Variants in CSMD3 observed in about 807,000 individuals in gnomAD.
CSMD3 encodes CUB and sushi domain-containing protein 3.
Under a neutral mutation model 435.2 loss-of-function variants are expected in CSMD3, and 177 were observed. The ratio of observed to expected loss-of-function variants is 0.41; its 90% CI spans 0.36 to 0.46. The LOEUF (loss-of-function observed/expected upper bound fraction) is 0.46, where lower values mean the gene tolerates loss of function less well. Among genes scored for constraint, CSMD3 ranks in the 20% least tolerant of loss-of-function variants. CSMD3 has a pLI of 0.34. For missense variants in CSMD3, 4,265 were observed against 4,504.6 expected (o/e 0.95, Z 1.52); for synonymous variants, 1,656 against 1,520.5 (o/e 1.09, Z -2.07).
At chr8:113,395,673 G>C (rs1164466224) in intron 1 of CSMD3, among the ~76,000 whole-genome samples, 1 of 150,864 alleles carries the variant, frequency 6.6e-6, no homozygotes, top group Non-Finnish European at 1.5e-5. Flanking sequence ...ATGAAGGAAA[G>C]TATTTTATTG....
chr8:112,559,392 G>A (rs1828412955), intron 24 of CSMD3, among the ~76,000 whole-genome samples: 1 of 151,808 alleles, frequency 6.6e-6, no homozygotes, highest in South Asian at 2.1e-4. Context: ...CCACCTTCCA[G>A]GAGAGGAGAG....
chr8:112,989,704 T>C (rs2085382422), intron 6 of CSMD3, among the ~76,000 whole-genome samples: 1 of 151,962 alleles, frequency 6.6e-6, no homozygotes, highest in Non-Finnish European at 1.5e-5. Flanking sequence ...GATGTCCTAA[T>C]GACTTGCTGT....
At chr8:113,133,295 A>T (rs1164577474) in intron 4 of CSMD3, among the ~76,000 whole-genome samples, 1 of 152,186 alleles carries the variant, frequency 6.6e-6, no homozygotes, top group Non-Finnish European at 1.5e-5. Context: ...CAAATAGCCA[A>T]CTAACAAATG....
intron 30 of CSMD3, among the ~76,000 whole-genome samples, chr8:112,500,260 T>A (rs962332958): frequency 3.9e-5 from 6 of 152,046 alleles, no homozygotes; most frequent in African/African-American, 1.4e-4. Flanking sequence ...GCAAATAAAG[T>A]AAGAAACACT....
intron 1 of CSMD3, among the ~76,000 whole-genome samples, chr8:113,323,376 T>A (rs1339224980): frequency 6.6e-6 from 1 of 152,172 alleles, no homozygotes; most frequent in Non-Finnish European, 1.5e-5. Flanking sequence ...ACTATTATTA[T>A]TTTACTAGTG....
intron 61 of CSMD3, among the ~76,000 whole-genome samples, chr8:112,256,872 C>A (rs972887145): frequency 3.3e-5 from 5 of 151,954 alleles, no homozygotes; most frequent in African/African-American, 9.7e-5. Context: ...AACTGAGAAA[C>A]TTTTGAGAGT....
intron 7 of CSMD3, 112 bp downstream of exon 7, chr8:112,975,725 C>T: frequency 1.3e-6 from 2 of 1,535,056 alleles, no homozygotes; most frequent in Non-Finnish European, 1.8e-6. Flanking sequence ...TGAACTTTTT[C>T]TTTTGCTTTC....
intron 6 of CSMD3, among the ~76,000 whole-genome samples, chr8:113,016,075 CT>C (rs762650744): frequency 1.2e-3 from 176 of 147,734 alleles, no homozygotes; most frequent in East Asian, 7.3e-3. Flanking sequence ...AACTAAATAA[CT>C]TTTTTTTTTA....
intron 10 of CSMD3, among the ~76,000 whole-genome samples, chr8:112,868,966 G>T (rs574507441): frequency 2.0e-5 from 3 of 152,124 alleles, no homozygotes; most frequent in Admixed American, 6.5e-5. Context: ...TGATTTTTTT[G>T]AATATGACAA....
chr8:112,837,518 T>C (rs2080061817), intron 11 of CSMD3, among the ~76,000 whole-genome samples: 1 of 151,820 alleles, frequency 6.6e-6, no homozygotes. Flanking sequence ...TTATAATTTC[T>C]ATTTTTTAAG....
At chr8:112,939,692 G>A (rs1034346450) in intron 9 of CSMD3, among the ~76,000 whole-genome samples, 1 of 151,864 alleles carries the variant, frequency 6.6e-6, no homozygotes, top group African/African-American at 2.4e-5. Context: ...AAGACCTGAG[G>A]GAAACATGGA....
chr8:113,340,537 A>G (rs1054991376), intron 1 of CSMD3, among the ~76,000 whole-genome samples: 1 of 152,136 alleles, frequency 6.6e-6, no homozygotes, highest in Admixed American at 6.6e-5. Context: ...GCTAAGTTTT[A>G]AAAGAAAAAT....
intron 37 of CSMD3, among the ~76,000 whole-genome samples, chr8:112,382,099 C>T (rs531551729): frequency 3.3e-5 from 5 of 151,806 alleles, no homozygotes; most frequent in South Asian, 2.1e-4. Flanking sequence ...GGCAACATAG[C>T]GAGACCTCAG....
chr8:112,704,848 A>C (rs1276045479), intron 13 of CSMD3, among the ~76,000 whole-genome samples: 1 of 152,156 alleles, frequency 6.6e-6, no homozygotes, highest in Non-Finnish European at 1.5e-5. Context: ...CCACAATGTG[A>C]CTATTTCAAA....
rs148060256 is a variant in CSMD3 at position 112,879,510 on chromosome 8, G to A, written c.1634-20244C>T. Among the ~76,000 whole-genome samples the A allele has an allele frequency of 8.7e-3, 1,329 of 152,116 alleles. 6 individuals are homozygous for A. Among genetic ancestry groups the A allele is most frequent in the Middle Eastern group, 0.014 (4 of 294 alleles). On this transcript the variant is annotated intron_variant, in intron 10 of 70. Transcript: ENST00000297405. ...ACCTTCTGCTTTGTGATATTTTATTGCCTTTGAAGCATGTGATCTCTGTGA... is the reference window on the plus strand; with the variant it reads ...ACCTTCTGCTTTGTGATATTTTATTACCTTTGAAGCATGTGATCTCTGTGA...
chr8:113,355,649 T>C (rs2132943151), intron 1 of CSMD3, among the ~76,000 whole-genome samples: 1 of 148,382 alleles, frequency 6.7e-6, no homozygotes, highest in East Asian at 2.0e-4. Context: ...GACACAAACA[T>C]TCAGTCCATA....
chr8:112,589,102 A>G (rs187206375), intron 22 of CSMD3, among the ~76,000 whole-genome samples: 2 of 152,308 alleles, frequency 1.3e-5, no homozygotes, highest in Non-Finnish European at 1.5e-5. Flanking sequence ...TAATAAACTG[A>G]CACAATATTT....
At chr8:113,270,596 CTG>C (rs2093515272) in intron 3 of CSMD3, among the ~76,000 whole-genome samples, 1 of 152,000 alleles carries the variant, frequency 6.6e-6, no homozygotes, top group Admixed American at 6.5e-5. Context: ...CAATGATAGA[CTG>C]GATTAAGAAA....
chr8:112,894,521 T>C (rs1377551266), intron 10 of CSMD3, among the ~76,000 whole-genome samples: 1 of 151,450 alleles, frequency 6.6e-6, no homozygotes, highest in African/African-American at 2.4e-5. Context: ...TTGAGACTTA[T>C]ATGTTTAAGT....
Sources: allele counts gnomAD v4.1 joint callset (sites outside exome capture counted in the v4.1 genomes callset), GRCh38; gene constraint gnomAD v4.1.1; transcripts MANE v1.5; gene names NCBI Gene and HGNC (gene_info 2026-07-23, HGNC 2026-07-21).